Variants in GRID1 observed in about 807,000 individuals in gnomAD.
GRID1 encodes glutamate ionotropic receptor delta type subunit 1, also known as glutamate receptor ionotropic, delta-1.
In GRID1, 28 loss-of-function variants were observed where a neutral mutation model predicts 98.0. The observed-to-expected ratio is 0.29, with a 90% confidence interval of 0.21 to 0.39. GRID1 has a LOEUF of 0.39. Among genes scored for constraint, GRID1 ranks in the 10% least tolerant of loss-of-function variants. The pLI is 1.00. For missense variants in GRID1, 1,111 were observed against 1,340.5 expected (o/e 0.83, Z 2.67); for synonymous variants, 553 against 538.5 (o/e 1.03, Z -0.37).
chr10:85,907,457 G>A (rs1308250945), intron 5 of GRID1, among the ~76,000 whole-genome samples: 1 of 152,140 alleles, frequency 6.6e-6, no homozygotes, highest in Admixed American at 6.6e-5. Context: ...AAAATTTCTG[G>A]AAAGACACAA....
intron 5 of GRID1, among the ~76,000 whole-genome samples, chr10:85,915,711 A>G (rs951951984): frequency 4.6e-5 from 7 of 151,336 alleles, no homozygotes; most frequent in Non-Finnish European, 7.4e-5. Context: ...ACAGACATAC[A>G]CACACACACC....
chr10:85,607,846 C>A (rs1334984969), intron 15 of GRID1, among the ~76,000 whole-genome samples: 1 of 142,954 alleles, frequency 7.0e-6, no homozygotes, highest in Admixed American at 7.2e-5. Flanking sequence ...GAGACAGGGT[C>A]TCCCTCTGTC....
At position 85,865,645 on chromosome 10, in the gene GRID1, G is replaced by A. The variant is rs1489709483; in HGVS notation, c.951+3365C>T. ...CTTGAGTTGTTCTAAACATGTTAGA[G>A]TCTTCTCGATAAATCTCACAGCTAG... On this transcript the variant is annotated intron_variant, in intron 6 of 15. Coordinates refer to ENST00000327946, the MANE Select transcript of GRID1 (RefSeq NM_017551.3). 2.6e-5 allele frequency among the ~76,000 whole-genome samples: 4 copies of A among 151,782 alleles called. 1 individual carries two copies. The highest frequency in any genetic ancestry group is 9.7e-5 in the African/African-American group (4 of 41,262).
intron 8 of GRID1, among the ~76,000 whole-genome samples, chr10:85,775,399 T>C (rs1842320380): frequency 6.6e-6 from 1 of 151,934 alleles, no homozygotes; most frequent in Non-Finnish European, 1.5e-5. Flanking sequence ...ATGGGTGCAG[T>C]ACACCAGCAT....
intron 12 of GRID1, among the ~76,000 whole-genome samples, chr10:85,703,457 T>G (rs181700103): frequency 1.3e-5 from 2 of 151,868 alleles, no homozygotes. Flanking sequence ...CCATATAGGA[T>G]GTTAAGAAGA....
chr10:86,229,297 T>A (rs72841779), intron 2 of GRID1, among the ~76,000 whole-genome samples: 43,018 of 151,800 alleles, frequency 0.28, 6,901 homozygotes, highest in Non-Finnish European at 0.38. Context: ...AGGCACCTGC[T>A]GGGGCCTGAG....
In GRID1 at chr10:85,680,464, C is replaced by G. The variant is rs576025909; in HGVS notation, c.1998-33067G>C. Among the ~76,000 whole-genome samples, 3 of 152,246 alleles carry G rather than the reference C, an allele frequency of 2.0e-5. No homozygotes were observed. The East Asian group carries it at 5.8e-4, about 29-fold the overall frequency. ...GCCATTCAGCATAGAAATCCCTGACCTAAAAAATAGCAGATGCTGGTAAGG... is the reference window on the plus strand; with the variant it reads ...GCCATTCAGCATAGAAATCCCTGACGTAAAAAATAGCAGATGCTGGTAAGG... On this transcript the variant is annotated intron_variant, in intron 12 of 15. Coordinates refer to ENST00000327946, the MANE Select transcript of GRID1 (RefSeq NM_017551.3).
chr10:85,751,015 T>C (rs1195131002), intron 8 of GRID1, among the ~76,000 whole-genome samples: 1 of 152,090 alleles, frequency 6.6e-6, no homozygotes, highest in Non-Finnish European at 1.5e-5. Context: ...GTTGAAGAAA[T>C]GTTCAGGTTG....
chr10:85,807,111 A>G (rs1842629548), intron 8 of GRID1, among the ~76,000 whole-genome samples: 1 of 152,136 alleles, frequency 6.6e-6, no homozygotes, highest in Non-Finnish European at 1.5e-5. Flanking sequence ...GCACTTTGGG[A>G]GGCTGAGGTG....
intron 8 of GRID1, among the ~76,000 whole-genome samples, chr10:85,730,391 G>A (rs1368510191): frequency 6.6e-6 from 1 of 152,108 alleles, no homozygotes; most frequent in Non-Finnish European, 1.5e-5. Context: ...CTTTTGTCTG[G>A]GAAACGATTC....
chr10:86,361,216 G>A (rs532687332), intron 2 of GRID1, among the ~76,000 whole-genome samples: 3 of 152,286 alleles, frequency 2.0e-5, no homozygotes, highest in East Asian at 1.9e-4. Context: ...AAGGGAAAAG[G>A]AGGCTGCTGA....
At chr10:86,213,731 G>C (rs925885809) in intron 2 of GRID1, among the ~76,000 whole-genome samples, 1 of 151,910 alleles carries the variant, frequency 6.6e-6, no homozygotes, top group Admixed American at 6.6e-5. Flanking sequence ...GCTCCCCCTG[G>C]GGTCCTGACC....
intron 2 of GRID1, among the ~76,000 whole-genome samples, chr10:86,348,015 C>G (rs2132114606): frequency 6.6e-6 from 1 of 152,278 alleles, no homozygotes; most frequent in South Asian, 2.1e-4. Flanking sequence ...AGACAGGCTC[C>G]CCCAGGAAGG....
chr10:85,678,095 C>G (rs1488970779), intron 12 of GRID1, among the ~76,000 whole-genome samples: 3 of 152,158 alleles, frequency 2.0e-5, no homozygotes, highest in African/African-American at 7.2e-5. Flanking sequence ...CCCCAACAAC[C>G]CTCAGACTCT....
chr10:85,714,846 C>T (rs935901308), intron 12 of GRID1, among the ~76,000 whole-genome samples: 11 of 151,578 alleles, frequency 7.3e-5, no homozygotes, highest in Non-Finnish European at 1.3e-4. Context: ...TTGGTATAAC[C>T]CCTACCAAAA....
At chr10:86,159,511 T>C (rs1187004729) in intron 3 of GRID1, among the ~76,000 whole-genome samples, 1 of 152,206 alleles carries the variant, frequency 6.6e-6, no homozygotes, top group Admixed American at 6.5e-5. Flanking sequence ...CTATCCCATA[T>C]AGTCTAGGTG....
intron 2 of GRID1, among the ~76,000 whole-genome samples, chr10:86,278,410 A>G (rs1847304864): frequency 1.5e-5 from 2 of 137,910 alleles, no homozygotes; most frequent in Non-Finnish European, 3.1e-5. Flanking sequence ...TAAATAGAAT[A>G]AAGGAAATAA....
chr10:85,943,570 C>T (rs1245991966), intron 4 of GRID1, among the ~76,000 whole-genome samples: 1 of 152,010 alleles, frequency 6.6e-6, no homozygotes, highest in Non-Finnish European at 1.5e-5. Context: ...TTGAATCTAC[C>T]CCCACCTATA....
intron 4 of GRID1, among the ~76,000 whole-genome samples, chr10:86,023,441 CTT>C (rs1843076336): frequency 6.6e-6 from 1 of 152,170 alleles, no homozygotes. Context: ...CTCCTGCTGT[CTT>C]TGCCCATCCC....
Sources: gnomAD v4.1 joint callset for allele counts (sites outside exome capture counted in the v4.1 genomes callset) on GRCh38, gnomAD v4.1.1 for gene constraint, MANE v1.5 for transcripts, NCBI Gene and HGNC (gene_info 2026-07-23, HGNC 2026-07-21) for gene names.